KCNQ5: variants seen among roughly 807,000 people sequenced by gnomAD.
KCNQ5 encodes the protein potassium voltage-gated channel subfamily KQT member 5.
A neutral mutation model predicts 98.2 loss-of-function variants in KCNQ5; 30 were observed. The observed-to-expected ratio is 0.31, with a 90% CI of 0.23 to 0.41. The LOEUF (loss-of-function observed/expected upper bound fraction) is 0.41, where lower values mean the gene tolerates loss of function less well. Among genes scored for constraint, KCNQ5 ranks in the 10% least tolerant of loss-of-function variants. KCNQ5 has a pLI of 1.00. For missense variants in KCNQ5, 835 were observed against 1,182.5 expected (o/e 0.71, Z 4.31); for synonymous variants, 458 against 449.4 (o/e 1.02, Z -0.24).
chr6:73,158,115 C>A (rs6453645), intron 10 of KCNQ5: 54 of 433,476 alleles, frequency 1.2e-4, no homozygotes, highest in African/African-American at 9.5e-4. Flanking sequence ...CCGCCGCGCT[C>A]GCCCTCCCGC....
intron 1 of KCNQ5, chr6:72,806,800 A>G (rs1364252650): frequency 1.1e-5 from 5 of 451,948 alleles, no homozygotes; most frequent in African/African-American, 2.0e-5. Context: ...CTTGCATGGT[A>G]AACCACTGGA....
intron 1 of KCNQ5, among the ~76,000 whole-genome samples, chr6:72,714,956 AG>A (rs1211107738): frequency 1.3e-5 from 2 of 152,176 alleles, no homozygotes; most frequent in Non-Finnish European, 2.9e-5. Flanking sequence ...ATAAATATAT[AG>A]CTTCTGTGAG....
At chr6:72,783,384 A>G (rs1022186155) in intron 1 of KCNQ5, among the ~76,000 whole-genome samples, 35 of 152,214 alleles carry the variant, frequency 2.3e-4, no homozygotes. Context: ...ATGACCTTAT[A>G]ATATAGTAAT....
At chr6:72,996,524 G>A (rs900399519) in intron 1 of KCNQ5, among the ~76,000 whole-genome samples, 1 of 152,224 alleles carries the variant, frequency 6.6e-6, no homozygotes, top group Non-Finnish European at 1.5e-5. Flanking sequence ...GACCAAAGAA[G>A]TAGGGTCCAA....
chr6:72,685,982 G>A (rs1048787927), intron 1 of KCNQ5, among the ~76,000 whole-genome samples: 2 of 152,192 alleles, frequency 1.3e-5, no homozygotes, highest in Admixed American at 6.5e-5. Context: ...ACCTAGCCGC[G>A]TGATCATGTG....
chr6:72,803,085 G>C (rs931441320), intron 1 of KCNQ5, among the ~76,000 whole-genome samples: 1 of 152,010 alleles, frequency 6.6e-6, no homozygotes, highest in Non-Finnish European at 1.5e-5. Context: ...AACCTTACTT[G>C]TTTCTTGAGG....
chr6:72,967,655 A>G (rs1767684680), intron 1 of KCNQ5: 1 of 154,708 alleles, frequency 6.5e-6, no homozygotes, highest in Non-Finnish European at 1.5e-5. Flanking sequence ...AAAACCATTA[A>G]GGTCACTTAA....
chr6:72,922,810 C>CTTTTTCTTTTTTTTTTTTTTTTTTTTTCT (rs1554186016), intron 1 of KCNQ5, among the ~76,000 whole-genome samples: 2 of 103,832 alleles, frequency 1.9e-5, no homozygotes, highest in African/African-American at 3.6e-5. Flanking sequence ...TTTTCTTTTT[C>CTTTTTCTTTTTTTTTTTTTTTTTTTTTCT]TTTTTTTTTT....
At chr6:72,894,629 A>G (rs973161086) in intron 1 of KCNQ5, among the ~76,000 whole-genome samples, 3 of 152,174 alleles carry the variant, frequency 2.0e-5, no homozygotes, top group African/African-American at 7.2e-5. Flanking sequence ...GATTATTTTT[A>G]TGATTCCTCA....
At chr6:72,892,623 A>G (rs1161619920) in intron 1 of KCNQ5, among the ~76,000 whole-genome samples, 2 of 152,160 alleles carry the variant, frequency 1.3e-5, no homozygotes, top group East Asian at 3.8e-4. Flanking sequence ...ACAGGAAACA[A>G]AGCTCCTTCA....
At chr6:73,050,074 G>C (rs1772150955) in intron 3 of KCNQ5, among the ~76,000 whole-genome samples, 1 of 152,020 alleles carries the variant, frequency 6.6e-6, no homozygotes, top group Non-Finnish European at 1.5e-5. Flanking sequence ...TGTAATAGCT[G>C]GGTGTGGTGG....
Position 72,857,112 on chromosome 6 carries a change from C to T in KCNQ5, c.399-146796C>T, listed in dbSNP as rs143738411. 1.5e-3 allele frequency among the ~76,000 whole-genome samples: 225 copies of T among 152,340 alleles called. 1 individual carries two copies. The highest frequency in any genetic ancestry group is 2.3e-3 in the Non-Finnish European group (158 of 68,032). ...ATGCGGCCATGCAGGGGCCAACAAT[C>T]TGTGCATGACTGCCTTTCCCAACAG... is the stretch of plus-strand genomic sequence containing the variant. On this transcript the variant is annotated intron_variant, in intron 1 of 13. Transcript: ENST00000370398.
At chr6:72,743,750 G>A (rs118151284) in intron 1 of KCNQ5, among the ~76,000 whole-genome samples, 2 of 152,146 alleles carry the variant, frequency 1.3e-5, no homozygotes, top group Admixed American at 6.5e-5. Flanking sequence ...TCTCTTTGAC[G>A]AACTGCGGAC....
chr6:72,682,244 C>T (rs1767746593), intron 1 of KCNQ5, among the ~76,000 whole-genome samples: 1 of 152,098 alleles, frequency 6.6e-6, no homozygotes, highest in Non-Finnish European at 1.5e-5. Flanking sequence ...TTTTTAGGAA[C>T]AAAATGCTTG....
intron 2 of KCNQ5, among the ~76,000 whole-genome samples, chr6:73,022,263 A>C (rs1466545432): frequency 6.6e-6 from 1 of 152,170 alleles, no homozygotes; most frequent in Non-Finnish European, 1.5e-5. Context: ...AAACTAAAAC[A>C]TAGTTACCAA....
Position 73,197,881 on chromosome 6 carries a change from A to C in KCNQ5, c.*2467A>C, listed in dbSNP as rs1765855005. On this transcript the variant is annotated 3_prime_UTR_variant, in exon 14 of 14. Coordinates refer to ENST00000370398, the MANE Select transcript of KCNQ5 (RefSeq NM_019842.4). The stretch of plus-strand genomic sequence containing the variant: ...CAGCATTGCTGACGACTGAAGATTC[A>C]GAAACAAAACCTACACACAGCACTG... 1 of 152,290 alleles carries C rather than the reference A, an allele frequency of 6.6e-6. No individual in the cohort carries two copies. The highest frequency in any genetic ancestry group is 2.4e-5 in the African/African-American group (1 of 41,462). 9.4% of individuals were successfully genotyped at this position (152,290 alleles called of 1,614,324 possible).
chr6:72,687,878 G>A (rs567974614), intron 1 of KCNQ5, among the ~76,000 whole-genome samples: 9 of 137,838 alleles, frequency 6.5e-5, no homozygotes, highest in Admixed American at 3.2e-4. Context: ...TCTCTCTGTC[G>A]CCCAGGCTGG....
At chr6:72,852,674 T>C (rs886074334) in intron 1 of KCNQ5, among the ~76,000 whole-genome samples, 22 of 123,788 alleles carry the variant, frequency 1.8e-4, no homozygotes, top group African/African-American at 6.8e-4. Context: ...TGGCACTTAA[T>C]GGTAAAGATG....
chr6:72,892,066 A>G (rs1779078417), intron 1 of KCNQ5, among the ~76,000 whole-genome samples: 3 of 152,152 alleles, frequency 2.0e-5, no homozygotes, highest in African/African-American at 7.2e-5. Context: ...GGCTACTCTC[A>G]TTTGCATTAG....
Sources: gnomAD v4.1 joint callset for allele counts (sites outside exome capture counted in the v4.1 genomes callset) on GRCh38, gnomAD v4.1.1 for gene constraint, MANE v1.5 for transcripts, NCBI Gene and HGNC (gene_info 2026-07-23, HGNC 2026-07-21) for gene names.